Variants in RMST observed in about 807,000 individuals in gnomAD.
The protein encoded by RMST is long intergenic non-protein coding RNA 54.
chr12:97,479,974 C>G (rs957644447), intron 5 of RMST, among the ~76,000 whole-genome samples: 5 of 152,148 alleles, frequency 3.3e-5, no homozygotes, highest in Non-Finnish European at 7.4e-5. Context: ...TCGACTCATT[C>G]ATCTAAACTA....
intron 10 of RMST, among the ~76,000 whole-genome samples, chr12:97,516,975 GA>G (rs1055340835): frequency 1.3e-5 from 2 of 151,934 alleles, no homozygotes; most frequent in Admixed American, 1.3e-4. Context: ...ATAGTCTTAT[GA>G]AAGGTATCTA....
chr12:97,476,359 C>A (rs1199126287), intron 5 of RMST, among the ~76,000 whole-genome samples: 1 of 152,214 alleles, frequency 6.6e-6, no homozygotes, highest in African/African-American at 2.4e-5. Context: ...CCTGCTTCAT[C>A]TGCAGGCTCT....
intron 10 of RMST, among the ~76,000 whole-genome samples, chr12:97,514,688 A>T (rs924098072): frequency 1.3e-5 from 2 of 151,896 alleles, no homozygotes; most frequent in Non-Finnish European, 2.9e-5. Flanking sequence ...TTCTTAGCAA[A>T]GTGACAAATA....
intron 10 of RMST, among the ~76,000 whole-genome samples, chr12:97,499,567 T>C (rs1241965441): frequency 6.6e-6 from 1 of 152,172 alleles, no homozygotes; most frequent in Non-Finnish European, 1.5e-5. Context: ...TCAAATAAGA[T>C]CAAAGTGTTT....
chr12:97,479,588 G>A (rs1337851021), intron 5 of RMST, among the ~76,000 whole-genome samples: 1 of 151,980 alleles, frequency 6.6e-6, no homozygotes, highest in Non-Finnish European at 1.5e-5. Flanking sequence ...TGACCCCATT[G>A]ATAGCTCCCT....
chr12:97,558,790 G>A (rs1425450433), intron 11 of RMST, among the ~76,000 whole-genome samples: 1 of 152,066 alleles, frequency 6.6e-6, no homozygotes, highest in African/African-American at 2.4e-5. Flanking sequence ...GGGTAAACTG[G>A]GCTTTTTGTG....
At chr12:97,536,168 T>C (rs1386168200) in intron 11 of RMST, among the ~76,000 whole-genome samples, 1 of 151,486 alleles carries the variant, frequency 6.6e-6, no homozygotes, top group African/African-American at 2.4e-5. Context: ...TAGATGTCTA[T>C]GCTGTCAGGA....
At chr12:97,561,578 C>G (rs988084259) in intron 13 of RMST, among the ~76,000 whole-genome samples, 1 of 145,482 alleles carries the variant, frequency 6.9e-6, no homozygotes, top group East Asian at 2.1e-4. Flanking sequence ...CCCTTTGGGA[C>G]GAGCATGATT....
At chr12:97,494,052 C>T (rs1242724520) in intron 8 of RMST, 2 of 152,160 alleles carry the variant, frequency 1.3e-5, no homozygotes, top group African/African-American at 4.8e-5. Context: ...ATGTTGTATG[C>T]TAATGGATGT....
intron 11 of RMST, among the ~76,000 whole-genome samples, chr12:97,546,771 A>G (rs980798265): frequency 6.6e-6 from 1 of 152,082 alleles, no homozygotes; most frequent in Non-Finnish European, 1.5e-5. Flanking sequence ...AAGCTAATTA[A>G]CATATACATT....
chr12:97,512,096 T>G (rs1364698048), intron 10 of RMST, among the ~76,000 whole-genome samples: 1 of 152,150 alleles, frequency 6.6e-6, no homozygotes, highest in African/African-American at 2.4e-5. Flanking sequence ...CGTTCGGATG[T>G]GTTCAGAGTT....
intron 11 of RMST, among the ~76,000 whole-genome samples, chr12:97,536,307 GA>G (rs5800316): frequency 0.22 from 33,398 of 149,922 alleles, 5,210 homozygotes; most frequent in African/African-American, 0.43. Context: ...CAAAATAATT[GA>G]AAAAAAAACT....
intron 10 of RMST, among the ~76,000 whole-genome samples, chr12:97,501,016 A>G (rs1349892735): frequency 6.6e-6 from 1 of 152,222 alleles, no homozygotes; most frequent in African/African-American, 2.4e-5. Context: ...TTTCTAAATG[A>G]TTGCTCACAA....
At chr12:97,497,607 C>T (rs1877583330) in intron 10 of RMST, among the ~76,000 whole-genome samples, 1 of 151,776 alleles carries the variant, frequency 6.6e-6, no homozygotes, top group Non-Finnish European at 1.5e-5. Context: ...TTAGTGCTTT[C>T]TGGTTTTCAA....
intron 10 of RMST, among the ~76,000 whole-genome samples, chr12:97,510,747 T>A (rs77557615): frequency 6.6e-6 from 1 of 152,234 alleles, no homozygotes; most frequent in Admixed American, 6.5e-5. Context: ...GTTCACTCTA[T>A]GTGACATCCA....
intron 5 of RMST, among the ~76,000 whole-genome samples, chr12:97,486,331 T>G (rs1876102745): frequency 1.2e-5 from 1 of 83,992 alleles, no homozygotes; most frequent in South Asian, 3.7e-4. Flanking sequence ...CAAGCTGCCC[T>G]AATGTGAATA....
chr12:97,549,213 A>C (rs778918198), intron 11 of RMST, among the ~76,000 whole-genome samples: 3 of 152,204 alleles, frequency 2.0e-5, no homozygotes, highest in Non-Finnish European at 4.4e-5. Flanking sequence ...CAAGTCCTTT[A>C]TAGTTTTCAG....
intron 10 of RMST, among the ~76,000 whole-genome samples, chr12:97,513,392 C>T (rs182870449): frequency 3.2e-4 from 48 of 152,292 alleles, no homozygotes; most frequent in African/African-American, 9.6e-4. Flanking sequence ...AATACAAATA[C>T]GCAAAGATCC....
intron 10 of RMST, among the ~76,000 whole-genome samples, chr12:97,503,292 T>G (rs917887297): frequency 2.6e-5 from 4 of 152,170 alleles, no homozygotes; most frequent in African/African-American, 9.7e-5. Flanking sequence ...AAATAGCATT[T>G]AATTTGTTTA....
Sources: gnomAD v4.1 joint callset for allele counts (sites outside exome capture counted in the v4.1 genomes callset) on GRCh38, gnomAD v4.1.1 for gene constraint, MANE v1.5 for transcripts, NCBI Gene and HGNC (gene_info 2026-07-23, HGNC 2026-07-21) for gene names.